Variants in DCPH1 observed in about 807,000 individuals in gnomAD.
The protein encoded by DCPH1 is damage control phosphatase 1, also known as damage-control phosphatase 1.
chr6:151,452,829 C>T, the DCPH1 span: 1 of 462,000 alleles, frequency 2.2e-6, no homozygotes, highest in East Asian at 3.7e-5. Context: ...GTCAGCTTCG[C>T]GGTCTGTTCC....
chr6:151,457,298 G>C, the DCPH1 span, among the ~76,000 whole-genome samples: 1 of 152,146 alleles, frequency 6.6e-6, no homozygotes, highest in South Asian at 2.1e-4. Flanking sequence ...GCACATACAG[G>C]GTTCAGTAAA....
chr6:151,459,401 G>C, the DCPH1 span, among the ~76,000 whole-genome samples: 1 of 152,146 alleles, frequency 6.6e-6, no homozygotes, highest in Admixed American at 6.5e-5. Context: ...AAAAAGGCTA[G>C]TTTAGAAAAA....
chr6:151,469,955 T>G, the DCPH1 span: 5 of 152,210 alleles, frequency 3.3e-5, no homozygotes, highest in Non-Finnish European at 7.4e-5. Context: ...AATGAATTTA[T>G]TTTTTATATT....
the DCPH1 span, chr6:151,458,538 A>G: frequency 6.2e-7 from 1 of 1,612,322 alleles, no homozygotes; most frequent in Non-Finnish European, 8.5e-7. Flanking sequence ...AGAATGTTAC[A>G]TGTATCGAAG....
chr6:151,460,667 C>T, the DCPH1 span, among the ~76,000 whole-genome samples: 1 of 151,602 alleles, frequency 6.6e-6, no homozygotes, highest in African/African-American at 2.4e-5. Flanking sequence ...ACCTGTAGTC[C>T]CAGCTACTCA....
chr6:151,466,923 T>TA, the DCPH1 span, among the ~76,000 whole-genome samples: 166 of 152,178 alleles, frequency 1.1e-3, 1 homozygote, highest in East Asian at 6.0e-3. Context: ...AGCCTTTTTT[T>TA]TAAAAAAAAT....
the DCPH1 span, among the ~76,000 whole-genome samples, chr6:151,460,226 C>T: frequency 1.1e-4 from 17 of 151,704 alleles, no homozygotes; most frequent in Non-Finnish European, 1.5e-4. Flanking sequence ...ATTACAGGCA[C>T]CTCCCACCAT....
At chr6:151,461,640 C>T in the DCPH1 span, among the ~76,000 whole-genome samples, 3 of 152,158 alleles carry the variant, frequency 2.0e-5, no homozygotes, top group South Asian at 4.1e-4. Flanking sequence ...CGTTGTACTC[C>T]AGCCTGGGCG....
the DCPH1 span, among the ~76,000 whole-genome samples, chr6:151,459,887 G>C: frequency 0.36 from 55,336 of 152,036 alleles, 10,307 homozygotes; most frequent in East Asian, 0.6. Flanking sequence ...AAAAATACAG[G>C]TTTGTTAAGA....
the DCPH1 span, chr6:151,464,337 A>G: frequency 1.7e-6 from 1 of 593,336 alleles, no homozygotes; most frequent in African/African-American, 1.9e-5. Context: ...TAAATGTTAT[A>G]TCTAGTTTCT....
At chr6:151,452,476 C>G in the DCPH1 span, 3 of 1,559,090 alleles carry the variant, frequency 1.9e-6, no homozygotes, top group South Asian at 3.4e-5. Context: ...GCTCCTCCTT[C>G]GCGGCGGTAC....
chr6:151,468,768 G>A, the DCPH1 span: 2 of 1,613,618 alleles, frequency 1.2e-6, no homozygotes, highest in African/African-American at 2.7e-5. Context: ...TGGGTAAATG[G>A]GTTTACCACA....
chr6:151,462,698 G>A, the DCPH1 span, among the ~76,000 whole-genome samples: 2 of 152,128 alleles, frequency 1.3e-5, no homozygotes, highest in Non-Finnish European at 2.9e-5. Context: ...TCCCTCCCTA[G>A]AAGTGAATCA....
At chr6:151,462,184 A>T in the DCPH1 span, among the ~76,000 whole-genome samples, 4 of 152,226 alleles carry the variant, frequency 2.6e-5, no homozygotes, top group Non-Finnish European at 5.9e-5. Flanking sequence ...GTACAGAGAA[A>T]ATATTAGATT....
At chr6:151,456,127 T>C in the DCPH1 span, among the ~76,000 whole-genome samples, 1 of 152,240 alleles carries the variant, frequency 6.6e-6, no homozygotes. Context: ...GAGTCTCCTA[T>C]GTCTACTTCT....
chr6:151,466,967 T>C, the DCPH1 span, among the ~76,000 whole-genome samples: 1 of 152,114 alleles, frequency 6.6e-6, no homozygotes, highest in African/African-American at 2.4e-5. Context: ...ATAATACTGT[T>C]CGGCCGGGCA....
At chr6:151,452,680 G>C in the DCPH1 span, 1 of 1,313,644 alleles carries the variant, frequency 7.6e-7, no homozygotes. Flanking sequence ...CTCCCCGGTG[G>C]GCTGCGTTCG....
chr6:151,461,727 A>G, the DCPH1 span, among the ~76,000 whole-genome samples: 1 of 152,328 alleles, frequency 6.6e-6, no homozygotes, highest in South Asian at 2.1e-4. Context: ...CAAATTGCTT[A>G]ATTTATCTGG....
the DCPH1 span, chr6:151,458,504 G>T: frequency 6.2e-7 from 1 of 1,612,510 alleles, no homozygotes; most frequent in Non-Finnish European, 8.5e-7. Context: ...AATCAAGATG[G>T]TTCTACTCAC....
Sources: allele counts gnomAD v4.1 joint callset (sites outside exome capture counted in the v4.1 genomes callset), GRCh38; gene constraint gnomAD v4.1.1; transcripts MANE v1.5; gene names NCBI Gene and HGNC (gene_info 2026-07-23, HGNC 2026-07-21).